Variants in CDC14B observed in about 807,000 individuals in gnomAD.
The protein encoded by CDC14B is cell division cycle 14B, also known as dual specificity protein phosphatase CDC14B.
A neutral mutation model predicts 64.2 loss-of-function variants in CDC14B; 22 were observed. The observed-to-expected ratio is 0.34, with a 90% CI of 0.24 to 0.49. CDC14B has a LOEUF of 0.49. Ranked by LOEUF, CDC14B falls within the 20% of genes least tolerant of loss-of-function variation. CDC14B has a pLI of 0.99. For missense variants in CDC14B, 498 were observed against 629.9 expected (o/e 0.79, Z 2.24); for synonymous variants, 191 against 215.8 (o/e 0.89, Z 1.01).
At chr9:96,523,816 A>C in intron 9 of CDC14B, 91 bp from the exon 10 acceptor site, 1 of 1,314,022 alleles carries the variant, frequency 7.6e-7, no homozygotes, top group East Asian at 2.5e-5. Context: ...AAGGCTTCTC[A>C]TGACTCTGCT....
chr9:96,618,773 G>T lies in CDC14B; in HGVS notation c.160+446C>A, dbSNP rs539517029. ...AACGCCAAAAAGGGGCAGCTCCCGT[G>T]CCAGGCGCGTTCAGCGCGCTCGGGG... On this transcript the variant is annotated intron_variant, in intron 1 of 13. Transcript: ENST00000375241. The T allele has an allele frequency of 1.4e-5, 5 of 357,144 alleles. No homozygotes were observed. In the Admixed American group the frequency reaches 2.0e-4, roughly 14 times the overall value. The allele number at this position is 357,144 out of a possible 1,614,324, so 22.1% of individuals were successfully genotyped here.
At chr9:96,594,449 G>A in intron 1 of CDC14B, among the ~76,000 whole-genome samples, 1 of 152,040 alleles carries the variant, frequency 6.6e-6, no homozygotes, top group East Asian at 1.9e-4. Flanking sequence ...GCCGCAGTTG[G>A]TGCACACCTG....
At chr9:96,578,463 C>T (rs562781231) in intron 1 of CDC14B, among the ~76,000 whole-genome samples, 1 of 152,318 alleles carries the variant, frequency 6.6e-6, no homozygotes, top group Non-Finnish European at 1.5e-5. Flanking sequence ...ATGCTCGTGA[C>T]TAACCCGTGA....
chr9:96,498,698 A>T (rs10991378), downstream of CDC14B, among the ~76,000 whole-genome samples: 25,149 of 152,282 alleles, frequency 0.17, 2,146 homozygotes, highest in Non-Finnish European at 0.18. Flanking sequence ...AATATATGAC[A>T]AAGTAGCGAA....
chr9:96,575,977 A>G (rs1844777202), intron 1 of CDC14B, among the ~76,000 whole-genome samples: 1 of 152,250 alleles, frequency 6.6e-6, no homozygotes, highest in African/African-American at 2.4e-5. Context: ...TTAACATCAG[A>G]TAAAACAGAA....
At chr9:96,565,371 T>A in intron 2 of CDC14B, 22 bp downstream of exon 2, 1 of 1,432,650 alleles carries the variant, frequency 7.0e-7, no homozygotes, top group South Asian at 1.2e-5. Flanking sequence ...AAAGTTAAAA[T>A]CTTTTAAAGA....
At chr9:96,512,931 A>G (rs1404072680) in intron 12 of CDC14B, among the ~76,000 whole-genome samples, 1 of 152,080 alleles carries the variant, frequency 6.6e-6, no homozygotes, top group Non-Finnish European at 1.5e-5. Context: ...ACACTGCAAA[A>G]TAATTAATCT....
At chr9:96,578,644 C>G (rs911139225) in intron 1 of CDC14B, among the ~76,000 whole-genome samples, 1 of 152,086 alleles carries the variant, frequency 6.6e-6, no homozygotes, top group Non-Finnish European at 1.5e-5. Flanking sequence ...TCAAAACTGT[C>G]AAGATCATGA....
chr9:96,574,540 T>A (rs1035820550), intron 1 of CDC14B, among the ~76,000 whole-genome samples: 1 of 151,968 alleles, frequency 6.6e-6, no homozygotes, highest in East Asian at 1.9e-4. Flanking sequence ...GGGATGGATT[T>A]CTTTTTTACT....
chr9:96,499,149 T>G (rs1833372828), downstream of CDC14B, among the ~76,000 whole-genome samples: 1 of 152,144 alleles, frequency 6.6e-6, no homozygotes, highest in South Asian at 2.1e-4. Context: ...AGGCCACAGC[T>G]CCCACAGAGC....
intron 13 of CDC14B, among the ~76,000 whole-genome samples, chr9:96,504,579 T>C (rs1351269139): frequency 1.3e-5 from 2 of 152,080 alleles, no homozygotes; most frequent in Non-Finnish European, 2.9e-5. Flanking sequence ...TGGGAAAATA[T>C]CTGGAATTTC....
At chr9:96,605,388 G>C (rs575356158) in intron 1 of CDC14B, among the ~76,000 whole-genome samples, 1 of 152,096 alleles carries the variant, frequency 6.6e-6, no homozygotes, top group Admixed American at 6.6e-5. Flanking sequence ...ACAAGCAGGG[G>C]TAAGTGACTG....
At chr9:96,563,654 GGAAA>G (rs1274386118) in intron 3 of CDC14B, among the ~76,000 whole-genome samples, 1 of 114,720 alleles carries the variant, frequency 8.7e-6, no homozygotes, top group African/African-American at 7.0e-5. Context: ...CTGTCTCACG[GGAAA>G]AAAAAAAAAA....
At chr9:96,514,397 A>G (rs1835328188) in intron 12 of CDC14B, 7 of 983,968 alleles carry the variant, frequency 7.1e-6, no homozygotes, top group Non-Finnish European at 8.4e-6. Context: ...GAAAACACCC[A>G]AAAGGTTAAT....
At chr9:96,566,636 C>T (rs1460921059) in intron 1 of CDC14B, 4 of 838,696 alleles carry the variant, frequency 4.8e-6, no homozygotes. Flanking sequence ...GGACAAGTGC[C>T]GAGGCCACCC....
chr9:96,585,332 G>C (rs978312028), intron 1 of CDC14B, among the ~76,000 whole-genome samples: 3 of 151,796 alleles, frequency 2.0e-5, no homozygotes, highest in Non-Finnish European at 4.4e-5. Flanking sequence ...CATGCATTAG[G>C]TATTTGTCCT....
Position 96,502,102 on chromosome 9 carries a change from TGG to T in CDC14B, c.*1649_*1650del, listed in dbSNP as rs1833607174. On this transcript the variant is annotated 3_prime_UTR_variant, in exon 14 of 14. Coordinates refer to ENST00000375241, the MANE Select transcript of CDC14B (RefSeq NM_033331.4). ...GAAGAGTAGTCTGCCCACAGCCAAG[TGG>T]GTCTTTGTGCCTATTCATTTCCAGG... 6.6e-6 allele frequency: 1 copy of T among 152,178 alleles called. No homozygotes were observed. The highest frequency in any genetic ancestry group is 1.5e-5 in the Non-Finnish European group (1 of 68,036). The allele number at this position is 152,178 out of a possible 1,614,324, so 9.4% of individuals were successfully genotyped here. A position where few individuals can be genotyped will look rare whatever the true frequency, so the allele number is the denominator to read the frequency against.
chr9:96,543,656 C>G (rs1840402169), intron 5 of CDC14B, among the ~76,000 whole-genome samples: 1 of 152,128 alleles, frequency 6.6e-6, no homozygotes, highest in Non-Finnish European at 1.5e-5. Context: ...CGACCCCTAC[C>G]CTGCTTCTCC....
chr9:96,538,486 A>C (rs1159114593), intron 7 of CDC14B: 1 of 152,378 alleles, frequency 6.6e-6, no homozygotes, highest in East Asian at 1.9e-4. Flanking sequence ...TTGGGAGGCC[A>C]AGGTGGGAGA....
Sources: allele counts gnomAD v4.1 joint callset (sites outside exome capture counted in the v4.1 genomes callset), GRCh38; gene constraint gnomAD v4.1.1; transcripts MANE v1.5; gene names NCBI Gene and HGNC (gene_info 2026-07-23, HGNC 2026-07-21).